Variants in HS3ST4 observed in about 807,000 individuals in gnomAD.
HS3ST4 encodes the protein heparan sulfate glucosamine 3-O-sulfotransferase 4.
In HS3ST4, 17 loss-of-function variants were observed where a neutral mutation model predicts 29.2. The ratio of observed to expected loss-of-function variants is 0.58; its 90% CI spans 0.40 to 0.87. The LOEUF is 0.87. Among genes scored for constraint, HS3ST4 ranks in the 40% least tolerant of loss-of-function variants. The probability of loss-of-function intolerance (pLI) is 0.00; values close to 1 mark genes in which losing one functional copy is unlikely to be tolerated. For missense variants in HS3ST4, 627 were observed against 634.5 expected (o/e 0.99, Z 0.13); for synonymous variants, 314 against 285.7 (o/e 1.10, Z -1.00).
chr16:25,989,810 T>G (rs1030121523), intron 1 of HS3ST4, among the ~76,000 whole-genome samples: 4 of 152,176 alleles, frequency 2.6e-5, no homozygotes, highest in African/African-American at 9.7e-5. Context: ...AGAGAGCAGT[T>G]TGCATTCAGT....
intron 1 of HS3ST4, among the ~76,000 whole-genome samples, chr16:25,924,816 C>A (rs1037565393): frequency 6.6e-6 from 1 of 152,130 alleles, no homozygotes; most frequent in Non-Finnish European, 1.5e-5. Flanking sequence ...AGCAACTAAC[C>A]TCTATGGTTT....
chr16:25,955,404 T>A (rs1243776552), intron 1 of HS3ST4, among the ~76,000 whole-genome samples: 1 of 152,132 alleles, frequency 6.6e-6, no homozygotes, highest in Non-Finnish European at 1.5e-5. Flanking sequence ...GCAAGTACCT[T>A]TTTTCTTAGT....
chr16:25,758,063 A>G (rs1257381611), intron 1 of HS3ST4, among the ~76,000 whole-genome samples: 1 of 152,128 alleles, frequency 6.6e-6, no homozygotes, highest in East Asian at 1.9e-4. Flanking sequence ...TGTCATAGAA[A>G]GATTCCTCCT....
At chr16:25,963,148 C>CA in intron 1 of HS3ST4, among the ~76,000 whole-genome samples, 1 of 152,302 alleles carries the variant, frequency 6.6e-6, no homozygotes, top group South Asian at 2.1e-4. Flanking sequence ...GTCACATTGA[C>CA]ATCATCCCCG....
chr16:25,844,259 A>G (rs1465623943), intron 1 of HS3ST4, among the ~76,000 whole-genome samples: 1 of 152,212 alleles, frequency 6.6e-6, no homozygotes, highest in Admixed American at 6.5e-5. Flanking sequence ...GCTTTTGCAA[A>G]GACACATTTA....
At chr16:25,828,315 T>TTTCTTTCTTCCTTTCC (rs1212906110) in intron 1 of HS3ST4, among the ~76,000 whole-genome samples, 4 of 128,972 alleles carry the variant, frequency 3.1e-5, no homozygotes, top group African/African-American at 9.9e-5. Flanking sequence ...TCTCTCTCTC[T>TTTCTTTCTTCCTTTCC]CTCTCTCTCT....
intron 1 of HS3ST4, among the ~76,000 whole-genome samples, chr16:25,905,342 G>A (rs970708652): frequency 1.2e-4 from 18 of 150,326 alleles, no homozygotes; most frequent in Admixed American, 3.5e-4. Context: ...AGATAGGGGC[G>A]GAGGGTGGGG....
chr16:26,126,365 C>G (rs1899343374), intron 1 of HS3ST4, among the ~76,000 whole-genome samples: 1 of 152,112 alleles, frequency 6.6e-6, no homozygotes, highest in African/African-American at 2.4e-5. Flanking sequence ...ATAACCACAC[C>G]CACAATAATG....
chr16:26,090,396 T>C (rs1898842548), intron 1 of HS3ST4, among the ~76,000 whole-genome samples: 1 of 151,994 alleles, frequency 6.6e-6, no homozygotes, highest in Non-Finnish European at 1.5e-5. Context: ...TTACCCAAGG[T>C]ACATGGCTGA....
intron 1 of HS3ST4, among the ~76,000 whole-genome samples, chr16:25,795,431 C>G (rs1166625576): frequency 1.3e-5 from 2 of 152,048 alleles, no homozygotes; most frequent in Non-Finnish European, 2.9e-5. Flanking sequence ...GTTTTCAGTT[C>G]TAGGATTTCT....
At chr16:25,948,294 T>A (rs1968649596) in intron 1 of HS3ST4, among the ~76,000 whole-genome samples, 1 of 152,134 alleles carries the variant, frequency 6.6e-6, no homozygotes, top group African/African-American at 2.4e-5. Flanking sequence ...TTTGTAGACA[T>A]GTTTAAATCA....
chr16:26,032,697 G>A (rs574893910), intron 1 of HS3ST4: 6 of 1,291,554 alleles, frequency 4.6e-6, no homozygotes, highest in African/African-American at 2.9e-5. Flanking sequence ...TTAGTCTTGG[G>A]CTCTGGCTTT....
At chr16:25,741,494 A>G (rs1966652979) in intron 1 of HS3ST4, among the ~76,000 whole-genome samples, 1 of 151,950 alleles carries the variant, frequency 6.6e-6, no homozygotes, top group Non-Finnish European at 1.5e-5. Context: ...GTTGAACTTC[A>G]GATTCAATTC....
At position 25,942,773 on chromosome 16, in the gene HS3ST4, C is replaced by T. The variant is rs549969362; in HGVS notation, c.735-192839C>T. ...AGCTAGGATGACAGTCATCCACCAT[C>T]ATCCCTGGCTAATTTTTTAAAAACT... On this transcript the variant is annotated intron_variant, in intron 1 of 1. Transcript: ENST00000331351. 1.7e-4 allele frequency among the ~76,000 whole-genome samples: 26 copies of T among 151,098 alleles called. 1 individual carries two copies. The highest frequency in any genetic ancestry group is 6.4e-4 in the African/African-American group (26 of 40,794).
At chr16:25,806,331 G>A (rs1015316215) in intron 1 of HS3ST4, among the ~76,000 whole-genome samples, 3 of 148,682 alleles carry the variant, frequency 2.0e-5, no homozygotes, top group Non-Finnish European at 4.5e-5. Context: ...GTGTGTGTGT[G>A]TGTATGTGTC....
chr16:25,791,088 G>A (rs1329048916), intron 1 of HS3ST4, among the ~76,000 whole-genome samples: 1 of 151,628 alleles, frequency 6.6e-6, no homozygotes, highest in African/African-American at 2.4e-5. Flanking sequence ...TGGAGGCGAA[G>A]CATCTTTTTT....
At chr16:25,975,592 G>A (rs750670653) in intron 1 of HS3ST4, among the ~76,000 whole-genome samples, 90 of 152,088 alleles carry the variant, frequency 5.9e-4, no homozygotes, top group Non-Finnish European at 1.2e-3. Flanking sequence ...ATATCCAGAT[G>A]ACGTCTTTCC....
At position 25,827,462 on chromosome 16, in the gene HS3ST4, T is replaced by C. The variant is rs149379356; in HGVS notation, c.734+134311T>C. 9.9e-4 allele frequency among the ~76,000 whole-genome samples: 150 copies of C among 151,986 alleles called. No homozygotes were observed. In the East Asian group the frequency reaches 0.022, roughly 22 times the overall value. ...TCAGAATACAGTTCCCCAAATTCCTTTGAAGACTTTCCTGTCTTTCAAAAC... is the reference window on the plus strand; with the variant it reads ...TCAGAATACAGTTCCCCAAATTCCTCTGAAGACTTTCCTGTCTTTCAAAAC... On this transcript the variant is annotated intron_variant, in intron 1 of 1. Coordinates refer to ENST00000331351, the MANE Select transcript of HS3ST4 (RefSeq NM_006040.3).
At chr16:26,050,754 G>C (rs1212491596) in intron 1 of HS3ST4, among the ~76,000 whole-genome samples, 1 of 152,150 alleles carries the variant, frequency 6.6e-6, no homozygotes, top group African/African-American at 2.4e-5. Flanking sequence ...ATAAATGAGC[G>C]GAGGTGTATG....
Sources: gnomAD v4.1 joint callset for allele counts (sites outside exome capture counted in the v4.1 genomes callset) on GRCh38, gnomAD v4.1.1 for gene constraint, MANE v1.5 for transcripts, NCBI Gene and HGNC (gene_info 2026-07-23, HGNC 2026-07-21) for gene names.